Variants in COL6A2 observed in about 807,000 individuals in gnomAD.
COL6A2 encodes the protein collagen type VI alpha 2 chain.
Under a neutral mutation model 124.9 loss-of-function variants are expected in COL6A2, and 90 were observed. The ratio of observed to expected loss-of-function variants is 0.72; its 90% CI spans 0.61 to 0.86. COL6A2 has a LOEUF of 0.86. Ranked by LOEUF, COL6A2 falls within the 40% of genes least tolerant of loss-of-function variation. The pLI is 0.00. For missense variants in COL6A2, 1,607 were observed against 1,502.5 expected, an observed-to-expected ratio of 1.07 and a Z score of -1.15; for synonymous variants, 793 against 618.2, an observed-to-expected ratio of 1.28 and a Z score of -4.19.
chr21:46,121,689 C>A (rs979442305), intron 18 of COL6A2, 71 bp downstream of exon 18: 4 of 1,491,850 alleles, frequency 2.7e-6, no homozygotes, highest in Admixed American at 3.4e-5. Flanking sequence ...GACAGGGGGC[C>A]GGCCTGGGGG....
At chr21:46,129,281 CCT>C (rs764582862) in intron 27 of COL6A2, 14 of 1,612,840 alleles carry the variant, frequency 8.7e-6, no homozygotes, top group South Asian at 6.6e-5. Context: ...GGACCATTCC[CCT>C]GATCCAACAG....
chr21:46,129,402 C>T, intron 27 of COL6A2: 1 of 1,612,872 alleles, frequency 6.2e-7, no homozygotes, highest in South Asian at 1.1e-5. Flanking sequence ...GGTAGAGCGG[C>T]AGGACTGGAT....
At position 46,127,527 on chromosome 21, in the gene COL6A2, A is replaced by G. The variant is rs762703396; in HGVS notation, c.2461+986A>G. Among the ~76,000 whole-genome samples, 167 of 152,212 alleles carry G rather than the reference A, an allele frequency of 1.1e-3. 1 individual carries two copies. The highest frequency in any genetic ancestry group is 3.4e-3 in the Middle Eastern group (1 of 294). On this transcript the variant is annotated intron_variant, in intron 27 of 27. Transcript: ENST00000300527. ...GGCGGGCAGCCTCTGGCCCCACAACAGTGGGCTGTGCTTCTGCCGCCAAGG... is the reference window on the plus strand; with the variant it reads ...GGCGGGCAGCCTCTGGCCCCACAACGGTGGGCTGTGCTTCTGCCGCCAAGG...
At chr21:46,109,670 G>A (rs1434002956) in intron 1 of COL6A2, among the ~76,000 whole-genome samples, 1 of 152,214 alleles carries the variant, frequency 6.6e-6, no homozygotes, top group Non-Finnish European at 1.5e-5. Flanking sequence ...GGGCTGGCAT[G>A]TCAGCACTGC....
At chr21:46,119,900 G>A in intron 15 of COL6A2, 50 bp downstream of exon 15, 4 of 1,513,914 alleles carry the variant, frequency 2.6e-6, no homozygotes, top group Non-Finnish European at 3.6e-6. Flanking sequence ...GTGCCCATGG[G>A]CCCTGCTGAC....
chr21:46,131,695 ACAGGGCCTGGGGCCTGTGT>A (rs2078761752), intron 27 of COL6A2, among the ~76,000 whole-genome samples: 2 of 152,096 alleles, frequency 1.3e-5, no homozygotes, highest in Non-Finnish European at 2.9e-5. Context: ...CAGCAGGTGG[ACAGGGCCTGGGGCCTGTGT>A]CAGGGTCTCA....
At chr21:46,107,157 C>T (rs1293142493) in intron 1 of COL6A2, among the ~76,000 whole-genome samples, 1 of 151,950 alleles carries the variant, frequency 6.6e-6, no homozygotes, top group Non-Finnish European at 1.5e-5. Context: ...GTGTAAATAG[C>T]ATTTTTCTGC....
At chr21:46,129,504 CGCCCAGCCGGGCTGG>C in intron 27 of COL6A2, 1 of 1,549,690 alleles carries the variant, frequency 6.5e-7, no homozygotes, top group Non-Finnish European at 8.7e-7. Context: ...CCCGGGCACC[CGCCCAGCCGGGCTGG>C]GCCCTCCCTG....
intron 4 of COL6A2, among the ~76,000 whole-genome samples, chr21:46,113,191 T>TG (rs1464707304): frequency 3.9e-5 from 6 of 152,056 alleles, no homozygotes; most frequent in African/African-American, 1.4e-4. Context: ...CCCACCTCCC[T>TG]GTGTGTCCCA....
At chr21:46,120,372 C>CG (rs1352149385) in intron 15 of COL6A2, 143 bp from the exon 16 acceptor site, 4 of 666,520 alleles carry the variant, frequency 6.0e-6, no homozygotes, top group Non-Finnish European at 1.0e-5. Context: ...GTGAAACAGG[C>CG]GACTGTTGCA....
intron 27 of COL6A2, chr21:46,129,759 CCCA>C: frequency 7.5e-7 from 1 of 1,336,866 alleles, no homozygotes; most frequent in Non-Finnish European, 9.6e-7. Context: ...GAATTTAAGG[CCCA>C]CCCCAAGTCC....
chr21:46,126,490 TC>T lies in COL6A2; in HGVS notation c.2423-11del, dbSNP rs1299276903. On this transcript the variant is annotated splice_polypyrimidine_tract_variant and intron_variant, in intron 26 of 27. Transcript: ENST00000300527. ...TGACCCTGGCCTGGCCCGGCCTCTCTCCTCTCTTCCAGACCCTCAGATCGTG... is the reference window on the plus strand; with the variant it reads ...TGACCCTGGCCTGGCCCGGCCTCTCTCTCTCTTCCAGACCCTCAGATCGTG... 1 of 1,539,684 alleles carries T rather than the reference TC, an allele frequency of 6.5e-7. No homozygotes were observed.
intron 21 of COL6A2, 150 bp from the exon 22 acceptor site, chr21:46,124,501 G>A (rs1456412013): frequency 7.3e-6 from 5 of 683,492 alleles, no homozygotes; most frequent in African/African-American, 5.4e-5. Context: ...TAGGGAAGGA[G>A]GAGGCACAGC....
chr21:46,111,029 C>T (rs891030712), intron 1 of COL6A2, among the ~76,000 whole-genome samples: 4 of 152,160 alleles, frequency 2.6e-5, no homozygotes, highest in Admixed American at 6.5e-5. Flanking sequence ...GCAGGGGAGC[C>T]GGTCTGGGGA....
In COL6A2 at chr21:46,126,384, G is replaced by A. The variant is rs563320922; in HGVS notation, c.2423-119G>A. On this transcript the variant is annotated intron_variant, in intron 26 of 27. Coordinates refer to ENST00000300527, the MANE Select transcript of COL6A2 (RefSeq NM_001849.4). ...GGGTGGGAAGGGGTCGGGCCCTCTCGGGGCTGCAGGGCAGAGGCCAGCTGC... is the reference window on the plus strand; with the variant it reads ...GGGTGGGAAGGGGTCGGGCCCTCTCAGGGCTGCAGGGCAGAGGCCAGCTGC... 1.6e-4 allele frequency: 252 copies of A among 1,530,698 alleles called. No individual in the cohort carries two copies. The African/African-American group carries it at 2.1e-3, about 13-fold the overall frequency. The allele number at this position is 1,530,698 out of a possible 1,614,324, so 94.8% of individuals were successfully genotyped here. A position where few individuals can be genotyped will look rare whatever the true frequency, so the allele number is the denominator to read the frequency against.
chr21:46,117,552 C>T (rs2078491636), intron 11 of COL6A2, 99 bp downstream of exon 11: 2 of 1,240,060 alleles, frequency 1.6e-6, no homozygotes, highest in Non-Finnish European at 2.3e-6. Context: ...AGCGTGGGTT[C>T]TCCCGGCAGC....
rs537626048 is a variant in COL6A2 at position 46,115,228 on chromosome 21, G to A, written c.802-644G>A. Among the ~76,000 whole-genome samples, 7 of 152,328 alleles carry A rather than the reference G, an allele frequency of 4.6e-5. No individual in the cohort carries two copies. The South Asian group carries it at 6.2e-4, about 14-fold the overall frequency. On this transcript the variant is annotated intron_variant, in intron 5 of 27. Transcript: ENST00000300527. Reference sequence around the variant, plus strand: ...TTTGAGGGGTGGCAAGGTGCCAAGCGGAGCCCAGGACAGGGCACAGCTGTG... The same window carrying A: ...TTTGAGGGGTGGCAAGGTGCCAAGCAGAGCCCAGGACAGGGCACAGCTGTG...
At chr21:46,111,325 G>A (rs146462450) in intron 1 of COL6A2, 125 bp from the exon 2 acceptor site, 72 of 623,504 alleles carry the variant, frequency 1.2e-4, no homozygotes, top group Non-Finnish European at 1.6e-4. Flanking sequence ...CGCAGACCCC[G>A]CTTCCTTGAA....
chr21:46,120,910 A>C (rs1352418687), intron 16 of COL6A2, 151 bp from the exon 17 acceptor site: 1 of 776,846 alleles, frequency 1.3e-6, no homozygotes, highest in Non-Finnish European at 2.3e-6. Context: ...CTGAAGGTCA[A>C]GTGGAGCCAC....
Sources: gnomAD v4.1 joint callset for allele counts (sites outside exome capture counted in the v4.1 genomes callset) on GRCh38, gnomAD v4.1.1 for gene constraint, MANE v1.5 for transcripts, NCBI Gene and HGNC (gene_info 2026-07-23, HGNC 2026-07-21) for gene names.